The following LCE1C variants were observed in gnomAD, a reference collection of about 807,000 sequenced individuals.
The protein encoded by LCE1C is late cornified envelope 1C, also known as late cornified envelope protein 1C.
A neutral mutation model predicts 0.7 loss-of-function variants in LCE1C; 1 was observed. That is an observed-to-expected ratio of 1.44 (90% CI 0.51 to 6.83). The LOEUF (loss-of-function observed/expected upper bound fraction) is 6.83. Among genes scored for constraint, LCE1C ranks in the 30% most tolerant of loss-of-function variants. The pLI, the probability that LCE1C is intolerant of heterozygous loss-of-function variation, is 0.14. For synonymous variants in LCE1C, 72 were observed against 57.9 expected, an observed-to-expected ratio of 1.24 and a Z score of -1.10; for missense variants, 136 against 149.6, an observed-to-expected ratio of 0.91 and a Z score of 0.48.
At chr1:152,806,029 T>G (rs1652331025) in intron 1 of LCE1C, among the ~76,000 whole-genome samples, 1 of 152,168 alleles carries the variant, frequency 6.6e-6, no homozygotes, top group African/African-American at 2.4e-5. Context: ...GAGAACAGTA[T>G]TTTTGGTGCA....
chr1:152,806,107 C>G (rs1260134519), intron 1 of LCE1C, among the ~76,000 whole-genome samples: 1 of 152,162 alleles, frequency 6.6e-6, no homozygotes, highest in Non-Finnish European at 1.5e-5. Flanking sequence ...CACGCAACGG[C>G]CTCACAGTAA....
In LCE1C at chr1:152,805,424, T is replaced by C; in HGVS notation, c.55A>G (p.Lys19Glu). The change falls in exon 2 of 2, where the codon AAG (lysine) becomes GAG (glutamate). Residue 19 changes from lysine to glutamate, a missense_variant. By Grantham distance (56) the Lys-to-Glu change is moderately conservative (BLOSUM62 1). Coordinates refer to ENST00000607093, the MANE Select transcript of LCE1C (RefSeq NM_178351.4). ...GGGGTGGGGCACTTGGGAGGGCACTTGGGGGTGCACTTGGGAGGGGGCTGG... is the reference window on the plus strand; with the variant it reads ...GGGGTGGGGCACTTGGGAGGGCACTCGGGGGTGCACTTGGGAGGGGGCTGG... Reference protein sequence around the residue: ...QCQPPPKCTPKCPPKCPTPKC... With the variant: ...QCQPPPKCTPECPPKCPTPKC... 1 of 1,608,000 alleles carries C rather than the reference T, an allele frequency of 6.2e-7. No homozygotes were observed. The highest frequency in any genetic ancestry group is 8.5e-7 in the Non-Finnish European group (1 of 1,177,844).
In LCE1C at chr1:152,805,176, C is replaced by A. The variant is rs368153386; in HGVS notation, c.303G>T (p.Gly101=). The change falls in exon 2 of 2, where the codon GGG becomes GGT. Residue 101 remains glycine, a synonymous_variant. Coordinates refer to ENST00000607093, the MANE Select transcript of LCE1C (RefSeq NM_178351.4). The stretch of plus-strand genomic sequence containing the variant: ...TCCCCCCGCCACAGCAGCTGGAGCC[C>A]CCCGAGGGCTGGCTGCAGCAGCCAG... ...QSSGCCSQPS[G]GSSCCGGGSG... is the part of the protein sequence containing the mutation. The A allele has an allele frequency of 1.2e-6, 2 of 1,613,252 alleles. No homozygotes were observed. The highest frequency in any genetic ancestry group is 1.7e-6 in the Non-Finnish European group (2 of 1,179,714).
Position 152,805,414 on chromosome 1 carries a change from G to T in LCE1C, c.65C>A (p.Pro22His), listed in dbSNP as rs772100576. ...GGGACACTTTGGGGTGGGGCACTTG[G>T]GAGGGCACTTGGGGGTGCACTTGGG... ...PPPKCTPKCP[P>H]KCPTPKCPPK... The change falls in exon 2 of 2, where the codon CCC (proline) becomes CAC (histidine). Residue 22 changes from proline (P) to histidine (H), a missense_variant. By Grantham distance (77) the Pro-to-His change is moderately conservative. Transcript: ENST00000607093. 4 of 1,613,862 alleles carry T rather than the reference G, an allele frequency of 2.5e-6. No homozygotes were observed. The highest frequency in any genetic ancestry group is 3.4e-6 in the Non-Finnish European group (4 of 1,179,856).
In LCE1C at chr1:152,804,894, G is replaced by T; in HGVS notation, c.*228C>A. The T allele has an allele frequency of 1.7e-6, 1 of 593,242 alleles. No individual in the cohort carries two copies. 36.7% of individuals were successfully genotyped at this position (593,242 alleles called of 1,614,324 possible). On this transcript the variant is annotated 3_prime_UTR_variant, in exon 2 of 2. Transcript: ENST00000607093. Reference sequence around the variant, plus strand: ...GCAAATGACATTGAGTAAGCTAGGGGCTTAGACAGAGCGTGGGAGGGTAGC... The same window carrying T: ...GCAAATGACATTGAGTAAGCTAGGGTCTTAGACAGAGCGTGGGAGGGTAGC...
At position 152,806,108 on chromosome 1, in the gene LCE1C, C is replaced by T. The variant is rs192573057; in HGVS notation, c.-21+493G>A. On this transcript the variant is annotated intron_variant, in intron 1 of 1. Coordinates refer to ENST00000607093, the MANE Select transcript of LCE1C (RefSeq NM_178351.4). ...ACTGCCATATTCATCACGCAACGGC[C>T]TCACAGTAACATGTTGGCACAGTGA... Among the ~76,000 whole-genome samples, 996 of 152,282 alleles carry T rather than the reference C, an allele frequency of 6.5e-3. 6 individuals carry two copies. Among genetic ancestry groups the T allele is most frequent in the Non-Finnish European group, 8.7e-3 (594 of 68,024 alleles).
rs775504023 is a variant in LCE1C at position 152,805,481 on chromosome 1, T to G, written c.-3A>C. On this transcript the variant is annotated 5_prime_UTR_variant, in exon 2 of 2. Coordinates refer to ENST00000607093, the MANE Select transcript of LCE1C (RefSeq NM_178351.4). Reference sequence around the variant, plus strand: ...TGCTGGCTCTGCTGGCAGGACATCTTGGTGGCGGATTCAGGAGCTGAAAGA... The same window carrying G: ...TGCTGGCTCTGCTGGCAGGACATCTGGGTGGCGGATTCAGGAGCTGAAAGA... The G allele has an allele frequency of 6.2e-7, 1 of 1,613,550 alleles. No individual in the cohort carries two copies. The highest frequency in any genetic ancestry group is 2.2e-5 in the East Asian group (1 of 44,876).
rs1346724469 is a variant in LCE1C, at chr1:152,805,472, A to G, written c.7T>C (p.Cys3Arg). ...TGGCACTGCTGCTGGCTCTGCTGGCAGGACATCTTGGTGGCGGATTCAGGA... is the reference window on the plus strand; with the variant it reads ...TGGCACTGCTGCTGGCTCTGCTGGCGGGACATCTTGGTGGCGGATTCAGGA... MS[C>R]QQSQQQCQPP... is the part of the protein sequence containing the mutation. The change falls in exon 2 of 2, where the codon TGC (cysteine) becomes CGC (arginine). Residue 3 changes from cysteine to arginine, a missense_variant. Physicochemically the swap from Cys to Arg is radical, Grantham distance 180. Transcript: ENST00000607093. 2 of 1,613,974 alleles carry G rather than the reference A, an allele frequency of 1.2e-6. No homozygotes were observed. Among genetic ancestry groups the G allele is most frequent in the East Asian group, 2.2e-5 (1 of 44,872 alleles).
At chr1:152,805,855 A>G (rs1164136244) in intron 1 of LCE1C, among the ~76,000 whole-genome samples, 1 of 152,240 alleles carries the variant, frequency 6.6e-6, no homozygotes, top group East Asian at 1.9e-4. Flanking sequence ...TCCAGTGTGG[A>G]AACCTGGGGA....
intron 1 of LCE1C, among the ~76,000 whole-genome samples, chr1:152,806,136 C>T (rs763959399): frequency 6.6e-6 from 1 of 152,186 alleles, no homozygotes; most frequent in Admixed American, 6.5e-5. Context: ...CACAGTGATC[C>T]TCAGCTTGCT....
chr1:152,805,899 A>G (rs762109196), intron 1 of LCE1C, among the ~76,000 whole-genome samples: 1 of 152,224 alleles, frequency 6.6e-6, no homozygotes, highest in Admixed American at 6.5e-5. Context: ...ATAATGAAGG[A>G]TTATCTCTTG....
Position 152,805,468 on chromosome 1 carries a change from T to A in LCE1C, c.11A>T (p.Gln4Leu). 1 of 1,613,828 alleles carries A rather than the reference T, an allele frequency of 6.2e-7. No homozygotes were observed. The highest frequency in any genetic ancestry group is 8.5e-7 in the Non-Finnish European group (1 of 1,179,858). MSC[Q>L]QSQQQCQPPP... is the part of the protein sequence containing the mutation. ...GGGCTGGCACTGCTGCTGGCTCTGCTGGCAGGACATCTTGGTGGCGGATTC... is the reference window on the plus strand; with the variant it reads ...GGGCTGGCACTGCTGCTGGCTCTGCAGGCAGGACATCTTGGTGGCGGATTC... The change falls in exon 2 of 2, where the codon CAG becomes CTG. Residue 4 changes from glutamine to leucine, a missense_variant. By Grantham distance (113) the Gln-to-Leu change is moderately radical (BLOSUM62 -2). Transcript: ENST00000607093.
At position 152,805,044 on chromosome 1, in the gene LCE1C, G is replaced by A; in HGVS notation, c.*78C>T. On this transcript the variant is annotated 3_prime_UTR_variant, in exon 2 of 2. Coordinates refer to ENST00000607093, the MANE Select transcript of LCE1C (RefSeq NM_178351.4). ...TCCCTTGGACCTGTGAGCCTCTCAG[G>A]CAGGCCTAGTAGGAGAAGGGGGATG... 1.3e-6 allele frequency: 2 copies of A among 1,485,162 alleles called. No individual in the cohort carries two copies. Among genetic ancestry groups the A allele is most frequent in the South Asian group, 1.3e-5 (1 of 74,378 alleles). 92.0% of individuals were successfully genotyped at this position (1,485,162 alleles called of 1,614,324 possible). A position where few individuals can be genotyped will look rare whatever the true frequency, so the allele number is the denominator to read the frequency against.
At chr1:152,805,991 C>G (rs1476702734) in intron 1 of LCE1C, among the ~76,000 whole-genome samples, 1 of 152,192 alleles carries the variant, frequency 6.6e-6, no homozygotes, top group Non-Finnish European at 1.5e-5. Context: ...GCTGGTCTCA[C>G]AGGCTCCCTT....
rs1439057279 is a variant in LCE1C at position 152,805,075 on chromosome 1, G to T, written c.*47C>A. 2 of 1,535,258 alleles carry T rather than the reference G, an allele frequency of 1.3e-6. No individual in the cohort carries two copies. The highest frequency in any genetic ancestry group is 1.8e-6 in the Non-Finnish European group (2 of 1,142,840). ...CTAGTAGGAGAAGGGGGATGTCCTT[G>T]GCAGTTTGCGGTCCTGGATTCTGCT... On this transcript the variant is annotated 3_prime_UTR_variant, in exon 2 of 2. Transcript: ENST00000607093.
rs756237878 is a variant in LCE1C at position 152,805,147 on chromosome 1, C to T, written c.332G>A (p.Gly111Asp). ...TCAGCAGCAGCCTCCAGAGTGCTGG[C>T]CACTCCCCCCGCCACAGCAGCTGGA... is the stretch of plus-strand genomic sequence containing the variant. ...GGSSCCGGGS[G>D]QHSGGCC The change falls in exon 2 of 2, where the codon GGC becomes GAC. Residue 111 changes from glycine (G) to aspartate (D), a missense_variant. Gly to Asp is a moderately conservative substitution (Grantham distance 94). Transcript: ENST00000607093. 2 of 1,608,910 alleles carry T rather than the reference C, an allele frequency of 1.2e-6. No individual in the cohort carries two copies. Among genetic ancestry groups the T allele is most frequent in the Admixed American group, 1.7e-5 (1 of 59,702 alleles).
In LCE1C at chr1:152,805,311, A is replaced by T. The variant is rs756743626; in HGVS notation, c.168T>A (p.Ser56=). The T allele has an allele frequency of 6.2e-7, 1 of 1,614,022 alleles. No individual in the cohort carries two copies. The highest frequency in any genetic ancestry group is 8.5e-7 in the Non-Finnish European group (1 of 1,179,992). ...CAGAGCTGGAGCCACAGCTGCCCCC[A>T]GAGCTGGAGCCACAGCAGCCTCCGG... is the stretch of plus-strand genomic sequence containing the variant. ...VSSGGCCGSS[S]GGSCGSSSGG... Residue 56 remains serine, a synonymous_variant, in exon 2 of 2, where the codon TCT becomes TCA. Transcript: ENST00000607093.
chr1:152,805,077 C>T lies in LCE1C; in HGVS notation c.*45G>A, dbSNP rs763414543. 5.2e-6 allele frequency: 8 copies of T among 1,537,022 alleles called. No individual in the cohort carries two copies. In the Admixed American group the frequency reaches 1.0e-4, roughly 20 times the overall value. ...AGTAGGAGAAGGGGGATGTCCTTGG[C>T]AGTTTGCGGTCCTGGATTCTGCTCT... On this transcript the variant is annotated 3_prime_UTR_variant, in exon 2 of 2. Transcript: ENST00000607093.
At chr1:152,805,819 T>C (rs912052229) in intron 1 of LCE1C, among the ~76,000 whole-genome samples, 4 of 152,194 alleles carry the variant, frequency 2.6e-5, no homozygotes, top group Non-Finnish European at 4.4e-5. Flanking sequence ...GTTTTTCTCA[T>C]TGTGTCAAAT....
Sources: allele counts gnomAD v4.1 joint callset (sites outside exome capture counted in the v4.1 genomes callset), GRCh38; gene constraint gnomAD v4.1.1; transcripts MANE v1.5; gene names NCBI Gene and HGNC (gene_info 2026-07-23, HGNC 2026-07-21).